Variants in B4GALT2 observed in about 807,000 individuals in gnomAD.
B4GALT2 encodes the protein beta-1,4-galactosyltransferase 2.
In B4GALT2, 18 loss-of-function variants were observed where a neutral mutation model predicts 33.2. The ratio of observed to expected loss-of-function variants is 0.54; its 90% CI spans 0.38 to 0.80. The LOEUF (loss-of-function observed/expected upper bound fraction) is 0.80, where lower values mean the gene tolerates loss of function less well. Ranked by LOEUF, B4GALT2 falls within the 30% of genes least tolerant of loss-of-function variation. B4GALT2 has a pLI of 0.00. For synonymous variants in B4GALT2, 214 were observed against 217.6 expected, an observed-to-expected ratio of 0.98 and a Z score of 0.15; for missense variants, 404 against 526.2, an observed-to-expected ratio of 0.77 and a Z score of 2.27.
rs1174880947 is a variant in B4GALT2, at chr1:43,983,744, G to C, written c.550-1121G>C. Among the ~76,000 whole-genome samples the C allele has an allele frequency of 2.0e-5, 3 of 152,192 alleles. No homozygotes were observed. In the East Asian group the frequency reaches 5.8e-4, roughly 29 times the overall value. On this transcript the variant is annotated intron_variant, in intron 3 of 6. Transcript: ENST00000372324. ...ATGAGCCATGTGGGAGAGACACAGG[G>C]CTCCTGGCTGGTGAGAGGTCAGAAG...
At chr1:43,987,648 C>T (rs1557653047) in intron 6 of B4GALT2, among the ~76,000 whole-genome samples, 1 of 152,214 alleles carries the variant, frequency 6.6e-6, no homozygotes, top group Admixed American at 6.5e-5. Flanking sequence ...ACTGCAGTGG[C>T]CTCCAACTGG....
chr1:43,985,555 T>A lies in B4GALT2; in HGVS notation c.902T>A (p.Ile301Asn). 6.2e-7 allele frequency: 1 copy of A among 1,612,600 alleles called. No homozygotes were observed. The highest frequency in any genetic ancestry group is 2.2e-5 in the East Asian group (1 of 44,758). Reference sequence around the variant, plus strand: ...GGGATGAAGATCTCACGCCCAGACATCCGAATCGGCCGCTACCGCATGATC... The same window carrying A: ...GGGATGAAGATCTCACGCCCAGACAACCGAATCGGCCGCTACCGCATGATC... Reference protein sequence around the residue: ...LTGMKISRPDIRIGRYRMIKH... With the variant: ...LTGMKISRPDNRIGRYRMIKH... Residue 301 changes from isoleucine to asparagine, a missense_variant, in exon 6 of 7, where the codon ATC (isoleucine) becomes AAC (asparagine). Physicochemically the swap from Ile to Asn is moderately radical, Grantham distance 149. Transcript: ENST00000372324.
chr1:43,990,396 C>T lies in B4GALT2; in HGVS notation c.1067C>T (p.Thr356Ile). The change falls in exon 7 of 7, where the codon ACC becomes ATC. Residue 356 changes from threonine (T) to isoleucine (I), a missense_variant. Thr to Ile is a moderately conservative substitution (Grantham distance 89). Coordinates refer to ENST00000372324, the MANE Select transcript of B4GALT2 (RefSeq NM_003780.5). ...VLEVSRQPLF[T>I]NITVDIGRPP... ...GAGGTGTCTCGGCAACCACTCTTCA[C>T]CAATATCACAGTGGACATTGGGCGG... The T allele has an allele frequency of 6.2e-7, 1 of 1,614,166 alleles. No individual in the cohort carries two copies. Among genetic ancestry groups the T allele is most frequent in the Non-Finnish European group, 8.5e-7 (1 of 1,180,030 alleles).
At position 43,985,151 on chromosome 1, in the gene B4GALT2, C is replaced by T; in HGVS notation, c.740+96C>T. On this transcript the variant is annotated intron_variant, in intron 4 of 6. Coordinates refer to ENST00000372324, the MANE Select transcript of B4GALT2 (RefSeq NM_003780.5). ...GAGCCCCGCTTGCTCCTGGCTGTGG[C>T]CCAGACCCCACTGGCGAGGCTGGAT... The T allele has an allele frequency of 2.5e-6, 4 of 1,569,276 alleles. No homozygotes were observed. The South Asian group carries it at 4.7e-5, about 18-fold the overall frequency.
intron 3 of B4GALT2, among the ~76,000 whole-genome samples, chr1:43,983,339 G>A (rs1209125557): frequency 3.3e-5 from 5 of 152,190 alleles, no homozygotes; most frequent in Non-Finnish European, 7.3e-5. Flanking sequence ...GAAAGAGGCC[G>A]CTACAGAGGC....
rs1426524203 is a variant in B4GALT2 at position 43,981,864 on chromosome 1, C to T, written c.489C>T (p.His163=). The T allele has an allele frequency of 6.2e-7, 1 of 1,609,146 alleles. No individual in the cohort carries two copies. Among genetic ancestry groups the T allele is most frequent in the South Asian group, 1.1e-5 (1 of 90,280 alleles). Residue 163 remains histidine (H), a synonymous_variant, in exon 3 of 7, where the codon CAC becomes CAT. Coordinates refer to ENST00000372324, the MANE Select transcript of B4GALT2 (RefSeq NM_003780.5). The surrounding 1 kb of genome is among the most constrained non-coding windows in gnomAD (Gnocchi z 8.1). ...HREHHLRYWL[H]YLHPILRRQR... ...AACACCACCTGCGCTACTGGCTCCA[C>T]TATCTACACCCCATCTTGAGGCGGC...
At position 43,979,813 on chromosome 1, in the gene B4GALT2, C is replaced by T. The variant is rs535511861; in HGVS notation, c.-53+302C>T. 4 of 570,604 alleles carry T rather than the reference C, an allele frequency of 7.0e-6. No homozygotes were observed. The East Asian group carries it at 9.7e-5, about 14-fold the overall frequency. The allele number at this position is 570,604 out of a possible 1,614,324, so 35.3% of individuals were successfully genotyped here. A position where few individuals can be genotyped will look rare whatever the true frequency, so the allele number is the denominator to read the frequency against. On this transcript the variant is annotated intron_variant, in intron 1 of 6. Coordinates refer to ENST00000372324, the MANE Select transcript of B4GALT2 (RefSeq NM_003780.5). The surrounding 1 kb of genome is among the most constrained non-coding windows in gnomAD (Gnocchi z 4.8). ...TGCCTCATCCGCTGCCCTCCACCCA[C>T]TCCCCCTGCCCCCAGGCTCCACACC...
intron 6 of B4GALT2, among the ~76,000 whole-genome samples, chr1:43,987,526 C>A (rs1050277051): frequency 2.0e-5 from 3 of 152,120 alleles, no homozygotes; most frequent in African/African-American, 7.2e-5. Context: ...CCTACATATC[C>A]AAACCCATCA....
chr1:43,990,983 G>A lies in B4GALT2; in HGVS notation c.*535G>A, dbSNP rs2085727293. The A allele has an allele frequency of 6.2e-6, 1 of 161,614 alleles. No individual in the cohort carries two copies. The highest frequency in any genetic ancestry group is 5.7e-5 in the Admixed American group (1 of 17,430). The allele number at this position is 161,614 out of a possible 1,614,324, so 10.0% of individuals were successfully genotyped here. On this transcript the variant is annotated 3_prime_UTR_variant, in exon 7 of 7. Transcript: ENST00000372324. ...GGAGCAGCCCCAGGAGGGGACCAGA[G>A]GGGATGCTGTGTCGCTGCCTGGGAT... is the stretch of plus-strand genomic sequence containing the variant.
chr1:43,984,500 G>A lies in B4GALT2; in HGVS notation c.550-365G>A, dbSNP rs1318931091. On this transcript the variant is annotated intron_variant, in intron 3 of 6. Coordinates refer to ENST00000372324, the MANE Select transcript of B4GALT2 (RefSeq NM_003780.5). The surrounding 1 kb of genome is among the most constrained non-coding windows in gnomAD (Gnocchi z 5.6). ...GAAGCCCATGGGAAGGAAGGAATAA[G>A]CGTACTGGGGTGGGGAAGTGTGGTC... 6.6e-6 allele frequency among the ~76,000 whole-genome samples: 1 copy of A among 152,240 alleles called. No homozygotes were observed. Among genetic ancestry groups the A allele is most frequent in the Non-Finnish European group, 1.5e-5 (1 of 68,036 alleles).
At chr1:43,980,974 G>A in intron 1 of B4GALT2, 135 bp from the exon 2 acceptor site, 2 of 1,245,552 alleles carry the variant, frequency 1.6e-6, no homozygotes, top group Non-Finnish European at 2.2e-6. Flanking sequence ...TCTTGAGTCT[G>A]TGAGTGTGAA....
intron 6 of B4GALT2, 99 bp downstream of exon 6, chr1:43,985,720 G>C: frequency 8.8e-7 from 1 of 1,132,570 alleles, no homozygotes; most frequent in Non-Finnish European, 1.3e-6. Context: ...CCCAGTGGGG[G>C]ACCTCCAAGC....
rs776634944 is a variant in B4GALT2, at chr1:43,990,358, G to A, written c.1029G>A (p.Arg343=). 3.7e-6 allele frequency: 6 copies of A among 1,614,198 alleles called. No homozygotes were observed. The East Asian group carries it at 1.1e-4, about 30-fold the overall frequency. The change falls in exon 7 of 7, where the codon CGG becomes CGA. Residue 343 remains arginine (R), a synonymous_variant. Transcript: ENST00000372324. The part of the protein sequence containing the change: ...TMKRDGIGSV[R]YQVLEVSRQP... ...AGCGGGACGGCATTGGGTCAGTGCG[G>A]TACCAGGTCTTGGAGGTGTCTCGGC...
intron 3 of B4GALT2, among the ~76,000 whole-genome samples, chr1:43,983,006 C>G (rs1344729094): frequency 6.6e-6 from 1 of 152,142 alleles, no homozygotes; most frequent in Non-Finnish European, 1.5e-5. Flanking sequence ...GACGTCAGGA[C>G]AGCGCAAGGG....
Position 43,985,386 on chromosome 1 carries a change from T to G in B4GALT2, c.849T>G (p.Asp283Glu). The G allele has an allele frequency of 6.5e-7, 1 of 1,530,676 alleles. No homozygotes were observed. The highest frequency in any genetic ancestry group is 8.8e-7 in the Non-Finnish European group (1 of 1,136,934). The allele number at this position is 1,530,676 out of a possible 1,614,324, so 94.8% of individuals were successfully genotyped here. Residue 283 changes from aspartate to glutamate, a missense_variant, in exon 5 of 7, where the codon GAT becomes GAG. Asp to Glu is a conservative substitution (Grantham distance 45, BLOSUM62 2). Transcript: ENST00000372324. ...ACTGGGGCTGGGGTGGCGAGGATGA[T>G]GACATCTTCAACCGGTGAGTAAGCA... ...NEYWGWGGEDDDIFNRISLTG... is the reference protein window; with the variant it reads ...NEYWGWGGEDEDIFNRISLTG...
intron 3 of B4GALT2, among the ~76,000 whole-genome samples, chr1:43,983,510 G>A (rs1447861885): frequency 3.9e-5 from 6 of 152,216 alleles, no homozygotes; most frequent in Non-Finnish European, 8.8e-5. Flanking sequence ...TAGCAACAAG[G>A]TGGGCCCAGC....
At position 43,985,071 on chromosome 1, in the gene B4GALT2, T is replaced by G; in HGVS notation, c.740+16T>G. Reference sequence around the variant, plus strand: ...TTGGCTTCCGGTGAGGGCTCTCTTCTCAGCTGGACCCAGCCCTCCTGCCCC... The same window carrying G: ...TTGGCTTCCGGTGAGGGCTCTCTTCGCAGCTGGACCCAGCCCTCCTGCCCC... On this transcript the variant is annotated intron_variant, in intron 4 of 6. Transcript: ENST00000372324. The G allele has an allele frequency of 6.2e-7, 1 of 1,612,008 alleles. No individual in the cohort carries two copies. The highest frequency in any genetic ancestry group is 8.5e-7 in the Non-Finnish European group (1 of 1,178,900).
chr1:43,990,555 C>T lies in B4GALT2; in HGVS notation c.*107C>T. On this transcript the variant is annotated 3_prime_UTR_variant, in exon 7 of 7. Coordinates refer to ENST00000372324, the MANE Select transcript of B4GALT2 (RefSeq NM_003780.5). ...GGACCTCCAGGACTGAGACTGGGCT[C>T]TGTTTTCCAAGGGTCTTCACTAGGC... 2.7e-6 allele frequency: 4 copies of T among 1,484,942 alleles called. No homozygotes were observed. The South Asian group carries it at 3.6e-5, about 13-fold the overall frequency. 92.0% of individuals were successfully genotyped at this position (1,484,942 alleles called of 1,614,324 possible).
Position 43,981,672 on chromosome 1 carries a change from C to A in B4GALT2, c.314-17C>A. ...TTCTGGCCAATGCCCTGATTCCTGACACTGTCCTGTCTGCAGTGGGCAGAC... is the reference window on the plus strand; with the variant it reads ...TTCTGGCCAATGCCCTGATTCCTGAAACTGTCCTGTCTGCAGTGGGCAGAC... On this transcript the variant is annotated splice_polypyrimidine_tract_variant and intron_variant, in intron 2 of 6. Transcript: ENST00000372324. This position sits in a 1 kb window ranked among gnomAD's most constrained non-coding sequence, Gnocchi z 8.1. 1 of 1,593,848 alleles carries A rather than the reference C, an allele frequency of 6.3e-7. No individual in the cohort carries two copies. The highest frequency in any genetic ancestry group is 2.2e-5 in the East Asian group (1 of 44,584).
Sources: gnomAD v4.1 joint callset for allele counts (sites outside exome capture counted in the v4.1 genomes callset) on GRCh38, gnomAD v4.1.1 for gene constraint, Gnocchi (gnomAD v3.1) non-coding constraint, MANE v1.5 for transcripts, NCBI Gene and HGNC (gene_info 2026-07-23, HGNC 2026-07-21) for gene names.